Variants in CCNH observed in about 807,000 individuals in gnomAD.
CCNH encodes cyclin H.
CCNH carries 31 observed loss-of-function variants against 41.9 expected under a neutral mutation model. The observed-to-expected ratio is 0.74, with a 90% CI of 0.56 to 1.00. The LOEUF (loss-of-function observed/expected upper bound fraction) is 1.00. Among genes scored for constraint, CCNH ranks in the 50% least tolerant of loss-of-function variants. The probability of loss-of-function intolerance (pLI) is 0.00; values close to 1 mark genes in which losing one functional copy is unlikely to be tolerated. For missense variants in CCNH, 362 were observed against 388.4 expected (o/e 0.93, Z 0.57); for synonymous variants, 138 against 136.1 (o/e 1.01, Z -0.10).
chr5:87,315,619 C>T (rs965133382), downstream of CCNH, among the ~76,000 whole-genome samples: 7 of 152,082 alleles, frequency 4.6e-5, no homozygotes, highest in Non-Finnish European at 8.8e-5. Flanking sequence ...ACCCTCTCAA[C>T]CTAGAGTAAA....
At chr5:87,330,479 A>G (rs1188256852) in intron 9 of CCNH, among the ~76,000 whole-genome samples, 2 of 152,180 alleles carry the variant, frequency 1.3e-5, no homozygotes, top group Admixed American at 6.5e-5. Flanking sequence ...TCTAAGGATG[A>G]GTTTGGCTAA....
intron 9 of CCNH, among the ~76,000 whole-genome samples, chr5:87,334,995 G>A (rs776339125): frequency 1.3e-4 from 19 of 151,812 alleles, no homozygotes; most frequent in Non-Finnish European, 2.4e-4. Flanking sequence ...GGGATTCTTT[G>A]CCTCGGTCTT....
chr5:87,352,573 A>AT (rs1435909784), intron 9 of CCNH, among the ~76,000 whole-genome samples: 1 of 151,772 alleles, frequency 6.6e-6, no homozygotes, highest in African/African-American at 2.4e-5. Flanking sequence ...TATTTTCCCA[A>AT]TATTTCCCAA....
intron 8 of CCNH, 78 bp downstream of exon 8, chr5:87,394,966 G>A (rs1561341317): frequency 6.2e-7 from 1 of 1,602,734 alleles, no homozygotes; most frequent in Admixed American, 1.7e-5. Context: ...TACTCTTGGA[G>A]AATAAATCTT....
the CCNH span, among the ~76,000 whole-genome samples, chr5:87,311,542 AT>A: frequency 1.3e-5 from 2 of 152,222 alleles, no homozygotes; most frequent in Non-Finnish European, 2.9e-5. Flanking sequence ...AAAAAGGTGC[AT>A]AGGGCAGAGT....
intron 1 of CCNH, 40 bp from the exon 2 acceptor site, chr5:87,411,386 A>G (rs1327888308): frequency 1.9e-6 from 3 of 1,562,572 alleles, no homozygotes; most frequent in South Asian, 2.4e-5. Context: ...AATGAATTCA[A>G]TGAATTAAAC....
At chr5:87,393,229 G>A (rs1299154145), downstream of CCNH, among the ~76,000 whole-genome samples, 2 of 152,114 alleles carry the variant, frequency 1.3e-5, no homozygotes, top group Non-Finnish European at 2.9e-5. Flanking sequence ...TGAGACTGAG[G>A]AGGTGTGTGT....
intron 9 of CCNH, among the ~76,000 whole-genome samples, chr5:87,359,170 TA>T (rs2112447289): frequency 6.6e-6 from 1 of 152,292 alleles, no homozygotes; most frequent in African/African-American, 2.4e-5. Flanking sequence ...ATTAATATAT[TA>T]AATGGCGTTT....
rs754170343 is a variant in CCNH, at chr5:87,346,642, T to C, written c.*91-27745A>G. On this transcript the variant is annotated intron_variant and NMD_transcript_variant, in intron 9 of 9. Coordinates refer to the CCNH transcript ENST00000645953. ...TATGATAACAGCAAAAAGGACTTTA[T>C]TTATATATCTAATTTATTCTCTTTT... 2.8e-6 allele frequency: 4 copies of C among 1,420,824 alleles called. No homozygotes were observed. The Admixed American group carries it at 5.2e-5, about 18-fold the overall frequency. 88.0% of individuals were successfully genotyped at this position (1,420,824 alleles called of 1,614,324 possible).
At chr5:87,331,334 T>C in intron 9 of CCNH, 1 of 1,587,686 alleles carries the variant, frequency 6.3e-7, no homozygotes, top group East Asian at 2.2e-5. Flanking sequence ...ATATCTTCTC[T>C]GTTTTTCCCC....
chr5:87,338,550 T>A lies in CCNH; in HGVS notation c.*91-19653A>T, dbSNP rs1035053449. ...ATATATATAAAATTTTTTTTTTTTT[T>A]AAGTAGAAATGGGGTTTTACCATGT... On this transcript the variant is annotated intron_variant and NMD_transcript_variant, in intron 9 of 9. Coordinates refer to the CCNH transcript ENST00000645953. Among the ~76,000 whole-genome samples the A allele has an allele frequency of 7.4e-4, 103 of 139,858 alleles. 1 individual carries two copies. Among genetic ancestry groups the A allele is most frequent in the African/African-American group, 2.4e-3 (92 of 38,396 alleles). 91.8% of individuals were successfully genotyped at this position (139,858 alleles called of 152,430 possible).
At chr5:87,408,344 T>G (rs1763957782) in intron 3 of CCNH, among the ~76,000 whole-genome samples, 158 bp from the exon 4 acceptor site, 1 of 152,176 alleles carries the variant, frequency 6.6e-6, no homozygotes, top group Admixed American at 6.5e-5. Context: ...AATTGTTTTT[T>G]AAAAGACACT....
chr5:87,392,695 C>T (rs188441182), downstream of CCNH: 1 of 164,680 alleles, frequency 6.1e-6, no homozygotes, highest in African/African-American at 2.4e-5. Context: ...TTTAAAATCA[C>T]AAACCTGACT....
At chr5:87,390,769 T>C (rs745368213), downstream of CCNH, 2 of 1,573,874 alleles carry the variant, frequency 1.3e-6, no homozygotes, top group African/African-American at 2.7e-5. Flanking sequence ...CGAGCTTTCA[T>C]TTATTTTCAT....
chr5:87,357,602 G>A (rs929102966), intron 9 of CCNH, among the ~76,000 whole-genome samples: 13 of 152,126 alleles, frequency 8.5e-5, no homozygotes, highest in Non-Finnish European at 1.8e-4. Context: ...CTACTCTGGA[G>A]GCTGAGGCAG....
At chr5:87,330,980 C>T (rs538102459) in intron 9 of CCNH, 19 of 1,431,770 alleles carry the variant, frequency 1.3e-5, no homozygotes, top group Non-Finnish European at 1.7e-5. Flanking sequence ...AGTATAAGAT[C>T]GAGGTAGTAA....
intron 9 of CCNH, among the ~76,000 whole-genome samples, chr5:87,349,848 T>C (rs928685408): frequency 6.6e-6 from 1 of 151,920 alleles, no homozygotes; most frequent in Non-Finnish European, 1.5e-5. Context: ...AGTAAACTCA[T>C]TGTTTGTCCC....
intron 9 of CCNH, among the ~76,000 whole-genome samples, chr5:87,365,388 T>C (rs1442196553): frequency 1.3e-5 from 2 of 152,102 alleles, no homozygotes; most frequent in African/African-American, 4.8e-5. Context: ...ACCTCAGTAC[T>C]TCCTACTTTC....
chr5:87,348,335 G>T (rs1171521797), intron 9 of CCNH, among the ~76,000 whole-genome samples: 2 of 151,968 alleles, frequency 1.3e-5, no homozygotes, highest in East Asian at 3.9e-4. Context: ...CATTCATTGT[G>T]CTTTCCTAAA....
Sources: allele counts gnomAD v4.1 joint callset (sites outside exome capture counted in the v4.1 genomes callset), GRCh38; gene constraint gnomAD v4.1.1; transcripts MANE v1.5; gene names NCBI Gene and HGNC (gene_info 2026-07-23, HGNC 2026-07-21).